The following PLEKHG1 variants were observed in gnomAD, a reference collection of about 807,000 sequenced individuals.
PLEKHG1 encodes the protein pleckstrin homology and RhoGEF domain containing G1.
PLEKHG1 carries 44 observed loss-of-function variants against 100.8 expected under a neutral mutation model. The ratio of observed to expected loss-of-function variants is 0.44; its 90% CI spans 0.34 to 0.56. The LOEUF is 0.56. Among genes scored for constraint, PLEKHG1 ranks in the 20% least tolerant of loss-of-function variants. The pLI, the probability that PLEKHG1 is intolerant of heterozygous loss-of-function variation, is 0.01. For synonymous variants in PLEKHG1, 640 were observed against 662.5 expected (o/e 0.97, Z 0.52); for missense variants, 1,545 against 1,720.9 (o/e 0.90, Z 1.81).
rs1373891916 is a variant in PLEKHG1, at chr6:150,698,497, T to TACAC, written c.-98-35086_-98-35085insCACA. On this transcript the variant is annotated intron_variant, in intron 3 of 3. Transcript: ENST00000367326. ...GATTGCGTGTGTATACAATACTATA[T>TACAC]ATACACACACACGTACATGAAAAAG... 6.7e-3 allele frequency among the ~76,000 whole-genome samples: 159 copies of TACAC among 23,562 alleles called. 2 individuals carry two copies. The highest frequency in any genetic ancestry group is 0.017 in the African/African-American group (144 of 8,464). The allele number at this position is 23,562 out of a possible 152,430, so 15.5% of individuals were successfully genotyped here. A position where few individuals can be genotyped will look rare whatever the true frequency, so the allele number is the denominator to read the frequency against.
intron 1 of PLEKHG1, among the ~76,000 whole-genome samples, chr6:150,628,438 C>T (rs1276504323): frequency 6.6e-6 from 1 of 151,668 alleles, no homozygotes; most frequent in Admixed American, 6.6e-5. Context: ...GGACTGCAGT[C>T]CTGGTTTCTC....
exon 16 of PLEKHG1, chr6:150,840,717 C>T: frequency 4.3e-6 from 7 of 1,614,122 alleles, no homozygotes; most frequent in Non-Finnish European, 5.9e-6. Flanking sequence ...TTTGAATAGT[C>T]CGCGCACTCC....
intron 10 of PLEKHG1, among the ~76,000 whole-genome samples, chr6:150,815,336 GA>G (rs1205566485): frequency 6.6e-6 from 1 of 152,036 alleles, no homozygotes; most frequent in East Asian, 1.9e-4. Flanking sequence ...GGAAATCCTG[GA>G]AACAGTACTT....
At chr6:150,666,636 G>A (rs1218511853) in intron 3 of PLEKHG1, among the ~76,000 whole-genome samples, 1 of 152,108 alleles carries the variant, frequency 6.6e-6, no homozygotes, top group Non-Finnish European at 1.5e-5. Flanking sequence ...TGAGAAAATT[G>A]CAGTCTGGAG....
intron 2 of PLEKHG1, among the ~76,000 whole-genome samples, chr6:150,741,636 T>G (rs1393007881): frequency 6.6e-6 from 1 of 151,988 alleles, no homozygotes; most frequent in Non-Finnish European, 1.5e-5. Context: ...AGCATGAGAA[T>G]ATTGAATGTA....
At chr6:150,785,983 T>C (rs1458408633) in intron 3 of PLEKHG1, among the ~76,000 whole-genome samples, 1 of 151,888 alleles carries the variant, frequency 6.6e-6, no homozygotes, top group Non-Finnish European at 1.5e-5. Flanking sequence ...TGATCCCTGG[T>C]GCCAAAAAGG....
intron 14 of PLEKHG1, chr6:150,827,792 A>G (rs1161462128): frequency 1.4e-6 from 2 of 1,434,098 alleles, no homozygotes; most frequent in Non-Finnish European, 2.0e-6. Context: ...TCCAGCAGTC[A>G]GTGGTGAAAA....
intron 1 of PLEKHG1, among the ~76,000 whole-genome samples, chr6:150,626,939 T>C (rs1372226997): frequency 6.6e-6 from 1 of 152,188 alleles, no homozygotes; most frequent in East Asian, 1.9e-4. Context: ...CAGGAAAGCT[T>C]GTGAAAGAAT....
At chr6:150,733,284 G>A (rs1161642496) in intron 1 of PLEKHG1, among the ~76,000 whole-genome samples, 1 of 152,112 alleles carries the variant, frequency 6.6e-6, no homozygotes, top group Non-Finnish European at 1.5e-5. Context: ...GAGACAACAG[G>A]TCTAGTGTTT....
chr6:150,633,203 G>A (rs780575713), intron 1 of PLEKHG1: 5 of 152,244 alleles, frequency 3.3e-5, no homozygotes, highest in African/African-American at 4.8e-5. Context: ...AGGTCTAATC[G>A]GAGGGCAACA....
chr6:150,684,572 G>T lies in PLEKHG1; in HGVS notation c.-99+33786G>T, dbSNP rs140160684. Among the ~76,000 whole-genome samples, 41 of 152,244 alleles carry T rather than the reference G, an allele frequency of 2.7e-4. 1 individual carries two copies. Among genetic ancestry groups the T allele is most frequent in the African/African-American group, 9.4e-4 (39 of 41,542 alleles). On this transcript the variant is annotated intron_variant, in intron 3 of 3. Coordinates refer to the PLEKHG1 transcript ENST00000367326. ...TTGCTGTGCTTCCGAAATGGTTCTG[G>T]CCAACCCTGTGTCTCCCCTTGGACT...
intron 4 of PLEKHG1, among the ~76,000 whole-genome samples, chr6:150,794,402 A>G (rs1249374813): frequency 2.6e-5 from 4 of 152,362 alleles, no homozygotes; most frequent in Admixed American, 6.5e-5. Context: ...ATGGTGGCTC[A>G]TGCCTATAAT....
Position 150,683,664 on chromosome 6 carries a change from G to A in PLEKHG1, c.-99+32878G>A. 1 of 580,174 alleles carries A rather than the reference G, an allele frequency of 1.7e-6. No homozygotes were observed. The highest frequency in any genetic ancestry group is 1.9e-5 in the South Asian group (1 of 52,430). The allele number at this position is 580,174 out of a possible 1,614,324, so 35.9% of individuals were successfully genotyped here. On this transcript the variant is annotated intron_variant, in intron 3 of 3. Coordinates refer to the PLEKHG1 transcript ENST00000367326. This position sits in a 1 kb window ranked among gnomAD's most constrained non-coding sequence, Gnocchi z 4.0. ...CACCTGCTATAACTGGCAAACTAAGGATGACAGAGTGTTCAATGATGCTGT... is the reference window on the plus strand; with the variant it reads ...CACCTGCTATAACTGGCAAACTAAGAATGACAGAGTGTTCAATGATGCTGT...
At chr6:150,824,824 C>T (rs1776502555) in intron 14 of PLEKHG1, among the ~76,000 whole-genome samples, 1 of 152,190 alleles carries the variant, frequency 6.6e-6, no homozygotes, top group South Asian at 2.1e-4. Flanking sequence ...ACCACCACAC[C>T]CGGCTGAACA....
intron 3 of PLEKHG1, among the ~76,000 whole-genome samples, chr6:150,668,270 C>T (rs1285396647): frequency 6.6e-6 from 1 of 152,194 alleles, no homozygotes; most frequent in East Asian, 1.9e-4. Flanking sequence ...GAGCCTTCAA[C>T]AGCTAGAACA....
intron 3 of PLEKHG1, among the ~76,000 whole-genome samples, chr6:150,652,482 G>A (rs1778787016): frequency 6.6e-6 from 1 of 152,058 alleles, no homozygotes; most frequent in Admixed American, 6.5e-5. Flanking sequence ...CAGCACTTTG[G>A]GAGGCCGAGG....
At chr6:150,827,789 G>A (rs774965619) in intron 14 of PLEKHG1, 150 of 1,439,344 alleles carry the variant, frequency 1.0e-4, no homozygotes, top group Non-Finnish European at 1.3e-4. Flanking sequence ...TCCTCCAGCA[G>A]TCAGTGGTGA....
At chr6:150,622,648 G>A (rs376604722) in intron 1 of PLEKHG1, among the ~76,000 whole-genome samples, 12 of 152,224 alleles carry the variant, frequency 7.9e-5, no homozygotes, top group South Asian at 2.1e-4. Flanking sequence ...AACCTCTGAC[G>A]GATCCCCTAA....
intron 1 of PLEKHG1, among the ~76,000 whole-genome samples, chr6:150,624,310 G>T (rs548773042): frequency 2.0e-5 from 3 of 151,966 alleles, no homozygotes; most frequent in Non-Finnish European, 4.4e-5. Flanking sequence ...TCTGCTTCTT[G>T]TCTCCAGGAT....
Sources: allele counts gnomAD v4.1 joint callset (sites outside exome capture counted in the v4.1 genomes callset), GRCh38; gene constraint gnomAD v4.1.1; non-coding constraint Gnocchi (gnomAD v3.1); transcripts MANE v1.5; gene names NCBI Gene and HGNC (gene_info 2026-07-23, HGNC 2026-07-21).